PCDH15: variants seen among roughly 807,000 people sequenced by gnomAD.
PCDH15 encodes protocadherin related 15.
A neutral mutation model predicts 178.5 loss-of-function variants in PCDH15; 129 were observed. The ratio of observed to expected loss-of-function variants is 0.72; its 90% CI spans 0.63 to 0.84. PCDH15 has a LOEUF of 0.84. PCDH15 is among the 40% of genes least tolerant of loss of function. The pLI is 0.00. For missense variants in PCDH15, 2,230 were observed against 2,099.9 expected, an observed-to-expected ratio of 1.06 and a Z score of -1.21; for synonymous variants, 800 against 732.0, an observed-to-expected ratio of 1.09 and a Z score of -1.50.
At chr10:55,491,362 C>T (rs1296434493) in intron 2 of PCDH15, among the ~76,000 whole-genome samples, 3 of 151,672 alleles carry the variant, frequency 2.0e-5, no homozygotes, top group Non-Finnish European at 4.4e-5. Flanking sequence ...CCAGCTTGTC[C>T]ACGTAAGGTG....
At chr10:53,945,825 T>C (rs1414551758) in intron 23 of PCDH15, among the ~76,000 whole-genome samples, 1 of 139,340 alleles carries the variant, frequency 7.2e-6, no homozygotes, top group Non-Finnish European at 1.5e-5. Flanking sequence ...TAAGGCTGAG[T>C]AATATTTCAT....
At chr10:55,475,484 A>G (rs1840044363) in intron 2 of PCDH15, among the ~76,000 whole-genome samples, 1 of 152,204 alleles carries the variant, frequency 6.6e-6, no homozygotes, top group Non-Finnish European at 1.5e-5. Context: ...ATACAGGTTA[A>G]GCATACCTAA....
chr10:55,234,627 T>C (rs971369618), intron 1 of PCDH15, among the ~76,000 whole-genome samples: 8 of 151,986 alleles, frequency 5.3e-5, no homozygotes, highest in African/African-American at 1.5e-4. Flanking sequence ...GCAATCCACC[T>C]ACCTCGGCCT....
chr10:54,165,570 T>G (rs1191168455), intron 13 of PCDH15, among the ~76,000 whole-genome samples: 1 of 152,178 alleles, frequency 6.6e-6, no homozygotes, highest in Non-Finnish European at 1.5e-5. Context: ...GACTGGAAAC[T>G]GGAACCTTAA....
In PCDH15 at chr10:54,120,146, A is replaced by T. The variant is rs2095190154; in HGVS notation, c.1917+12729T>A. Among the ~76,000 whole-genome samples, 6 of 152,296 alleles carry T rather than the reference A, an allele frequency of 3.9e-5. No homozygotes were observed. In the South Asian group the frequency reaches 1.2e-3, roughly 32 times the overall value. Reference sequence around the variant, plus strand: ...TTAAAGAAAGCAAATTCCAACCAAGAATTTCATATTCCATCAAATTAAGCA... The same window carrying T: ...TTAAAGAAAGCAAATTCCAACCAAGTATTTCATATTCCATCAAATTAAGCA... On this transcript the variant is annotated intron_variant, in intron 15 of 37. Coordinates refer to ENST00000644397, the MANE Select transcript of PCDH15 (RefSeq NM_001384140.1).
chr10:54,626,835 A>C (rs952514071), intron 2 of PCDH15, among the ~76,000 whole-genome samples: 1 of 152,292 alleles, frequency 6.6e-6, no homozygotes, highest in Admixed American at 6.5e-5. Context: ...GAAAAGCTGC[A>C]GACACTCAAT....
chr10:54,028,776 T>G, intron 18 of PCDH15, among the ~76,000 whole-genome samples: 1 of 63,794 alleles, frequency 1.6e-5, no homozygotes, highest in African/African-American at 6.4e-5. Flanking sequence ...TATCACACTC[T>G]GGGGACTGTT....
intron 1 of PCDH15, among the ~76,000 whole-genome samples, chr10:54,719,871 G>T (rs111483968): frequency 0.074 from 11,178 of 151,994 alleles, 559 homozygotes; most frequent in Non-Finnish European, 0.11. Flanking sequence ...TCTTTTTATG[G>T]CTGCATAGTA....
chr10:55,405,189 C>T lies in PCDH15; in HGVS notation c.-156+222436G>A, dbSNP rs75049033. Among the ~76,000 whole-genome samples, 1,189 of 149,640 alleles carry T rather than the reference C, an allele frequency of 7.9e-3. 15 individuals carry two copies. Among genetic ancestry groups the T allele is most frequent in the African/African-American group, 0.026 (1,068 of 40,778 alleles). On this transcript the variant is annotated intron_variant, in intron 2 of 5. Coordinates refer to the PCDH15 transcript ENST00000613346. Reference sequence around the variant, plus strand: ...GATGAATTATGTATTTTCTATAGAGCGATATATATCTCATTAATGAATATA... The same window carrying T: ...GATGAATTATGTATTTTCTATAGAGTGATATATATCTCATTAATGAATATA...
intron 1 of PCDH15, among the ~76,000 whole-genome samples, chr10:55,310,414 T>C (rs905161337): frequency 1.3e-5 from 2 of 152,186 alleles, no homozygotes; most frequent in African/African-American, 4.8e-5. Context: ...AAAACTGTTA[T>C]TACCTTTTTT....
intron 10 of PCDH15, among the ~76,000 whole-genome samples, chr10:54,203,817 G>T (rs116898034): frequency 6.6e-6 from 1 of 151,988 alleles, no homozygotes; most frequent in Non-Finnish European, 1.5e-5. Flanking sequence ...TCTGAAAAAC[G>T]GGCAAATTGA....
intron 1 of PCDH15, among the ~76,000 whole-genome samples, chr10:55,249,796 A>T (rs1841786597): frequency 6.6e-6 from 1 of 152,124 alleles, no homozygotes; most frequent in South Asian, 2.1e-4. Context: ...AAGAACAAGT[A>T]ATTAAGAAAT....
At chr10:55,355,456 G>T (rs568675253) in intron 2 of PCDH15, among the ~76,000 whole-genome samples, 2 of 151,884 alleles carry the variant, frequency 1.3e-5, no homozygotes, top group South Asian at 4.2e-4. Flanking sequence ...TGATGGTGCC[G>T]CAACATGGTT....
chr10:54,030,977 T>C (rs2093275890), intron 18 of PCDH15, among the ~76,000 whole-genome samples: 1 of 152,034 alleles, frequency 6.6e-6, no homozygotes, highest in Non-Finnish European at 1.5e-5. Flanking sequence ...CATTGGAATA[T>C]GAAGCTCATG....
At chr10:54,085,244 AAATT>A (rs1196445341) in intron 16 of PCDH15, among the ~76,000 whole-genome samples, 5 of 152,154 alleles carry the variant, frequency 3.3e-5, no homozygotes, top group Non-Finnish European at 5.9e-5. Flanking sequence ...ATGTCAAAAC[AAATT>A]AATCACCAAA....
At chr10:54,516,376 G>A (rs1157420761) in intron 3 of PCDH15, among the ~76,000 whole-genome samples, 1 of 152,118 alleles carries the variant, frequency 6.6e-6, no homozygotes, top group Non-Finnish European at 1.5e-5. Context: ...GGAGCTGATG[G>A]AGCTGAAAGC....
At chr10:54,345,035 GT>G (rs554764241) in intron 6 of PCDH15, among the ~76,000 whole-genome samples, 3 of 148,768 alleles carry the variant, frequency 2.0e-5, no homozygotes, top group Admixed American at 6.8e-5. Flanking sequence ...GCCAGTACAA[GT>G]TTTTTTTGTG....
At chr10:54,833,084 CTAATT>C (rs1196289943) in intron 3 of PCDH15, among the ~76,000 whole-genome samples, 3 of 152,086 alleles carry the variant, frequency 2.0e-5, no homozygotes, top group Non-Finnish European at 2.9e-5. Context: ...CGTATGTTAT[CTAATT>C]TAATTCCATC....
At chr10:55,035,342 G>A (rs1194490884) in intron 2 of PCDH15, among the ~76,000 whole-genome samples, 1 of 151,906 alleles carries the variant, frequency 6.6e-6, no homozygotes, top group East Asian at 1.9e-4. Context: ...AAACTTCCTG[G>A]GCATAGCCTA....
Sources: allele counts gnomAD v4.1 joint callset (sites outside exome capture counted in the v4.1 genomes callset), GRCh38; gene constraint gnomAD v4.1.1; transcripts MANE v1.5; gene names NCBI Gene and HGNC (gene_info 2026-07-23, HGNC 2026-07-21).